Variants in PCDHA11 observed in about 807,000 individuals in gnomAD.
PCDHA11 encodes protocadherin alpha 11, also known as protocadherin alpha-11.
PCDHA11 carries 61 observed loss-of-function variants against 70.3 expected under a neutral mutation model. That is an observed-to-expected ratio of 0.87 (90% CI 0.71 to 1.07). The LOEUF is 1.07. PCDHA11 is among the 50% of genes least tolerant of loss of function. The pLI, the probability that PCDHA11 is intolerant of heterozygous loss-of-function variation, is 0.00. For missense variants in PCDHA11, 1,324 were observed against 1,237.5 expected (o/e 1.07, Z -1.05); for synonymous variants, 633 against 555.1 (o/e 1.14, Z -1.97).
chr5:140,959,471 C>T (rs910729465), intron 1 of PCDHA11, among the ~76,000 whole-genome samples: 3 of 151,970 alleles, frequency 2.0e-5, no homozygotes, highest in African/African-American at 7.3e-5. Context: ...TGGCATCAAT[C>T]AAGGCATATT....
intron 1 of PCDHA11, chr5:140,929,609 A>G: frequency 2.4e-6 from 1 of 410,256 alleles, no homozygotes; most frequent in Non-Finnish European, 4.4e-6. Flanking sequence ...TAAAAATAAA[A>G]TACCAAAATA....
chr5:140,928,286 G>A (rs140714840), intron 1 of PCDHA11: 12 of 1,614,014 alleles, frequency 7.4e-6, no homozygotes, highest in Non-Finnish European at 9.3e-6. Flanking sequence ...GCCTCTCTAG[G>A]CCGAGTGTTT....
chr5:140,941,199 C>CT (rs879983584), intron 1 of PCDHA11, among the ~76,000 whole-genome samples: 21,657 of 115,670 alleles, frequency 0.19, 2,171 homozygotes, highest in East Asian at 0.37. Flanking sequence ...TTTTTTCTTT[C>CT]TTCCTTTCTT....
intron 1 of PCDHA11, chr5:140,968,074 C>T (rs781940696): frequency 1.2e-6 from 2 of 1,614,020 alleles, no homozygotes; most frequent in African/African-American, 1.3e-5. Context: ...CTGTCTACAA[C>T]ATCACGGTGA....
intron 1 of PCDHA11, among the ~76,000 whole-genome samples, chr5:140,964,473 T>C (rs1457345251): frequency 6.6e-6 from 1 of 152,068 alleles, no homozygotes; most frequent in Non-Finnish European, 1.5e-5. Flanking sequence ...TGCCTATGAT[T>C]TTTTCACAGT....
In PCDHA11 at chr5:140,877,377, C is replaced by A. The variant is rs575601254; in HGVS notation, c.2391+5883C>A. 8.1e-6 allele frequency: 13 copies of A among 1,614,008 alleles called. No homozygotes were observed. The South Asian group carries it at 1.1e-4, about 14-fold the overall frequency. ...ACACTGGCGAGATCAGCACGACACG[C>A]ATCCTGGATGAGGCGGACGCTCCGC... On this transcript the variant is annotated intron_variant, in intron 1 of 3. Transcript: ENST00000398640.
chr5:140,967,404 A>C (rs2096137449), intron 1 of PCDHA11: 1 of 1,612,076 alleles, frequency 6.2e-7, no homozygotes, highest in Non-Finnish European at 8.5e-7. Flanking sequence ...GTGCTGCGTA[A>C]GGGCCTAGAC....
intron 1 of PCDHA11, among the ~76,000 whole-genome samples, chr5:140,937,127 T>TC: frequency 6.7e-6 from 1 of 149,014 alleles, no homozygotes. Context: ...AAGCTCCGCC[T>TC]CCCGGGTTCA....
At chr5:140,959,099 G>T (rs1233693181) in intron 1 of PCDHA11, among the ~76,000 whole-genome samples, 1 of 152,078 alleles carries the variant, frequency 6.6e-6, no homozygotes, top group Non-Finnish European at 1.5e-5. Context: ...CGGACATTCA[G>T]CAGGGGTCCG....
In PCDHA11 at chr5:140,869,173, T is replaced by C; in HGVS notation, c.70T>C (p.Trp24Arg). Residue 24 changes from tryptophan to arginine, a missense_variant, in exon 1 of 4, where the codon TGG (tryptophan) becomes CGG (arginine). Trp to Arg is a moderately radical substitution (Grantham distance 101). Coordinates refer to ENST00000398640, the MANE Select transcript of PCDHA11 (RefSeq NM_018902.5). ...LQLWLLLLEF[W>R]EVGSGQLHYS... is the part of the protein sequence containing the mutation. ...GCTCTGGCTTCTCCTCCTCGAATTC[T>C]GGGAGGTGGGGAGCGGCCAGCTCCA... 1 of 1,613,884 alleles carries C rather than the reference T, an allele frequency of 6.2e-7. No individual in the cohort carries two copies. The highest frequency in any genetic ancestry group is 1.3e-5 in the African/African-American group (1 of 75,034).
At chr5:140,876,141 AG>A in intron 1 of PCDHA11, 1 of 1,613,984 alleles carries the variant, frequency 6.2e-7, no homozygotes, top group Non-Finnish European at 8.5e-7. Context: ...CAGAACTAAC[AG>A]GGTCTGTCCA....
At chr5:140,876,706 G>C in intron 1 of PCDHA11, 1 of 1,614,214 alleles carries the variant, frequency 6.2e-7, no homozygotes, top group South Asian at 1.1e-5. Context: ...GCTGGACAGC[G>C]CCCTGGACCG....
intron 1 of PCDHA11, among the ~76,000 whole-genome samples, chr5:140,890,187 CAG>C (rs2062529084): frequency 1.3e-5 from 2 of 152,228 alleles, no homozygotes; most frequent in South Asian, 4.1e-4. Context: ...TGCTACAAAA[CAG>C]AGTTTTTTGT....
intron 1 of PCDHA11, among the ~76,000 whole-genome samples, chr5:140,956,666 G>T (rs1232573740): frequency 6.6e-6 from 1 of 152,088 alleles, no homozygotes; most frequent in African/African-American, 2.4e-5. Flanking sequence ...GGCCTTAAAG[G>T]AGTTAGGGAG....
chr5:141,007,377 A>C (rs13186204), intron 3 of PCDHA11, among the ~76,000 whole-genome samples: 7,611 of 136,554 alleles, frequency 0.056, 239 homozygotes, highest in South Asian at 0.11. Flanking sequence ...ATGATGGAAC[A>C]CCATCTCTAC....
At chr5:140,952,807 C>T (rs1390694306) in intron 1 of PCDHA11, among the ~76,000 whole-genome samples, 2 of 152,158 alleles carry the variant, frequency 1.3e-5, no homozygotes, top group Admixed American at 6.5e-5. Context: ...CGCAGTTCTG[C>T]AGGCTGTACA....
intron 1 of PCDHA11, among the ~76,000 whole-genome samples, chr5:140,973,394 A>C (rs1263015635): frequency 6.6e-6 from 1 of 152,244 alleles, no homozygotes; most frequent in African/African-American, 2.4e-5. Flanking sequence ...CAAAGAAATC[A>C]TATCTATGAG....
At position 140,885,285 on chromosome 5, in the gene PCDHA11, T is replaced by G. The variant is rs146462007; in HGVS notation, c.2391+13791T>G. On this transcript the variant is annotated intron_variant, in intron 1 of 3. Transcript: ENST00000398640. ...ACTCATACATATATATATACATATA[T>G]AGAGAGAGACCTGGTAGGCTTTTTG... 7.5e-4 allele frequency among the ~76,000 whole-genome samples: 114 copies of G among 152,298 alleles called. No individual in the cohort carries two copies. In the East Asian group the frequency reaches 9.8e-3, roughly 13 times the overall value.
chr5:140,897,722 T>A (rs1236534951), intron 1 of PCDHA11, among the ~76,000 whole-genome samples: 1 of 152,162 alleles, frequency 6.6e-6, no homozygotes, highest in African/African-American at 2.4e-5. Flanking sequence ...GATGGCTGGG[T>A]CAAATAGTAT....
Sources: gnomAD v4.1 joint callset for allele counts (sites outside exome capture counted in the v4.1 genomes callset) on GRCh38, gnomAD v4.1.1 for gene constraint, MANE v1.5 for transcripts, NCBI Gene and HGNC (gene_info 2026-07-23, HGNC 2026-07-21) for gene names.